LGSN: variants seen among roughly 807,000 people sequenced by gnomAD.
LGSN encodes the protein lengsin.
In LGSN, 21 loss-of-function variants were observed where a neutral mutation model predicts 19.5. The observed-to-expected ratio is 1.07, with a 90% CI of 0.76 to 1.55. LGSN has a LOEUF of 1.55. LGSN is among the 40% of genes most tolerant of loss of function. The probability of loss-of-function intolerance (pLI) is 0.00; values close to 1 mark genes in which losing one functional copy is unlikely to be tolerated. For synonymous variants in LGSN, 257 were observed against 215.6 expected (o/e 1.19, Z -1.68); for missense variants, 673 against 608.5 (o/e 1.11, Z -1.12).
At chr6:63,568,365 T>C in the LGSN span, among the ~76,000 whole-genome samples, 2 of 152,218 alleles carry the variant, frequency 1.3e-5, no homozygotes, top group African/African-American at 4.8e-5. Context: ...TATTGCTGTG[T>C]CTCACTGAGG....
the LGSN span, among the ~76,000 whole-genome samples, chr6:63,344,357 T>C: frequency 2.0e-5 from 3 of 152,134 alleles, no homozygotes; most frequent in Admixed American, 2.0e-4. Flanking sequence ...ATCTATCCAG[T>C]CAAACTATCA....
At chr6:63,414,903 A>G in the LGSN span, among the ~76,000 whole-genome samples, 29 of 151,906 alleles carry the variant, frequency 1.9e-4, no homozygotes, top group East Asian at 5.6e-3. Context: ...CAACAGAGCC[A>G]GACGCCCTTT....
the LGSN span, among the ~76,000 whole-genome samples, chr6:63,434,725 C>A: frequency 6.6e-6 from 1 of 152,000 alleles, no homozygotes; most frequent in Non-Finnish European, 1.5e-5. Context: ...AAAACCCATT[C>A]CCCTCTCATG....
the LGSN span, among the ~76,000 whole-genome samples, chr6:63,501,009 G>A: frequency 6.0e-4 from 91 of 152,180 alleles, no homozygotes; most frequent in African/African-American, 2.0e-3. Flanking sequence ...GATTACAGGC[G>A]TGAGCCACTG....
the LGSN span, among the ~76,000 whole-genome samples, chr6:63,531,435 A>T: frequency 4.7e-4 from 71 of 152,032 alleles, no homozygotes; most frequent in Non-Finnish European, 7.6e-4. Context: ...TTAATGCAAA[A>T]TGCCTACATA....
the LGSN span, chr6:63,392,240 C>T: frequency 6.6e-6 from 1 of 152,416 alleles, no homozygotes; most frequent in Non-Finnish European, 1.5e-5. Flanking sequence ...GTGCTGCCAA[C>T]CAGACACCCA....
chr6:63,315,129 G>A (rs1768788126), intron 1 of LGSN, among the ~76,000 whole-genome samples: 1 of 152,156 alleles, frequency 6.6e-6, no homozygotes, highest in South Asian at 2.1e-4. Flanking sequence ...GTATCCTTGT[G>A]CCTAACATAT....
At chr6:63,463,693 AG>A in the LGSN span, among the ~76,000 whole-genome samples, 2 of 152,210 alleles carry the variant, frequency 1.3e-5, no homozygotes, top group Non-Finnish European at 2.9e-5. Context: ...TCATGCTTGT[AG>A]GTACTCAACC....
At chr6:63,521,209 G>A in the LGSN span, among the ~76,000 whole-genome samples, 6 of 151,956 alleles carry the variant, frequency 3.9e-5, no homozygotes, top group Admixed American at 2.0e-4. Context: ...AGCACATGTA[G>A]CCCAAAACTT....
the LGSN span, among the ~76,000 whole-genome samples, chr6:63,347,798 T>C: frequency 6.6e-6 from 1 of 152,238 alleles, no homozygotes; most frequent in Non-Finnish European, 1.5e-5. Context: ...CAATGACTAA[T>C]GTTTCTGCAG....
chr6:63,391,990 C>T, the LGSN span, among the ~76,000 whole-genome samples: 3 of 152,182 alleles, frequency 2.0e-5, no homozygotes, highest in Non-Finnish European at 4.4e-5. Flanking sequence ...AATTACAAAA[C>T]AACAACACTG....
At chr6:63,316,997 C>A (rs1047791372) in intron 1 of LGSN, among the ~76,000 whole-genome samples, 1 of 151,902 alleles carries the variant, frequency 6.6e-6, no homozygotes, top group East Asian at 1.9e-4. Flanking sequence ...AGTCATTGTG[C>A]CTTAGGAAAG....
the LGSN span, among the ~76,000 whole-genome samples, chr6:63,545,435 G>A: frequency 6.6e-6 from 1 of 152,058 alleles, no homozygotes; most frequent in Admixed American, 6.6e-5. Context: ...CAGGGTGAAA[G>A]CTTGTCTCTA....
the LGSN span, among the ~76,000 whole-genome samples, chr6:63,509,021 A>T: frequency 6.6e-6 from 1 of 151,416 alleles, no homozygotes; most frequent in Admixed American, 6.6e-5. Context: ...GTTTATTTGT[A>T]TTCATATTAT....
At chr6:63,522,414 T>C in the LGSN span, among the ~76,000 whole-genome samples, 1 of 152,204 alleles carries the variant, frequency 6.6e-6, no homozygotes, top group Non-Finnish European at 1.5e-5. Context: ...CTGCAGGAGA[T>C]AATTTCATCA....
the LGSN span, among the ~76,000 whole-genome samples, chr6:63,417,009 T>C: frequency 2.0e-5 from 3 of 151,838 alleles, no homozygotes; most frequent in Non-Finnish European, 4.4e-5. Flanking sequence ...ACAGTCCTTA[T>C]CAAAAACAGA....
At chr6:63,511,694 A>G in the LGSN span, among the ~76,000 whole-genome samples, 1 of 152,206 alleles carries the variant, frequency 6.6e-6, no homozygotes, top group Non-Finnish European at 1.5e-5. Flanking sequence ...TTTTTCTGAA[A>G]CAGAGCTTAT....
At chr6:63,283,037 T>C (rs1767378142) in intron 3 of LGSN, among the ~76,000 whole-genome samples, 2 of 152,208 alleles carry the variant, frequency 1.3e-5, no homozygotes, top group Non-Finnish European at 1.5e-5. Context: ...CTGTGAGTAG[T>C]AGAGAACAGC....
At chr6:63,452,911 T>C in the LGSN span, among the ~76,000 whole-genome samples, 1 of 151,402 alleles carries the variant, frequency 6.6e-6, no homozygotes, top group Admixed American at 6.6e-5. Context: ...TTCTTCTTTT[T>C]GAATATATGC....
Sources: allele counts gnomAD v4.1 joint callset (sites outside exome capture counted in the v4.1 genomes callset), GRCh38; gene constraint gnomAD v4.1.1; transcripts MANE v1.5; gene names NCBI Gene and HGNC (gene_info 2026-07-23, HGNC 2026-07-21).